The following RBM24 variants were observed in gnomAD, a reference collection of about 807,000 sequenced individuals.
RBM24 encodes the protein RNA-binding protein 24.
A neutral mutation model predicts 23.6 loss-of-function variants in RBM24; 5 were observed. The ratio of observed to expected loss-of-function variants is 0.21; its 90% CI spans 0.11 to 0.45. The LOEUF (loss-of-function observed/expected upper bound fraction) is 0.45, where lower values mean the gene tolerates loss of function less well. Among genes scored for constraint, RBM24 ranks in the 20% least tolerant of loss-of-function variants. The pLI is 0.99. For missense variants in RBM24, 252 were observed against 314.6 expected, an observed-to-expected ratio of 0.80 and a Z score of 1.51; for synonymous variants, 151 against 129.5, an observed-to-expected ratio of 1.17 and a Z score of -1.13.
At chr6:17,282,360 G>C in intron 1 of RBM24, 3 of 783,818 alleles carry the variant, frequency 3.8e-6, no homozygotes, top group Non-Finnish European at 5.7e-6. Context: ...AGCTATTGTC[G>C]TTGGGGAGTG....
chr6:17,282,728 T>C (rs752620762), intron 1 of RBM24, 77 bp from the exon 2 acceptor site: 2 of 1,583,546 alleles, frequency 1.3e-6, no homozygotes, highest in South Asian at 2.2e-5. Context: ...GAATGACTTC[T>C]CCATTGTGAT....
rs567048396 is a variant in RBM24 at position 17,286,810 on chromosome 6, G to T, written c.347+2099G>T. 2.7e-4 allele frequency among the ~76,000 whole-genome samples: 41 copies of T among 152,308 alleles called. No homozygotes were observed. In the Middle Eastern group the frequency reaches 0.01, roughly 38 times the overall value. On this transcript the variant is annotated intron_variant, in intron 3 of 3. Transcript: ENST00000379052. ...AGAGGCATAGAGGAGAAGACTCAGTGCGTGGAGAAACCAGACTGTCTAAGG... is the reference window on the plus strand; with the variant it reads ...AGAGGCATAGAGGAGAAGACTCAGTTCGTGGAGAAACCAGACTGTCTAAGG...
At chr6:17,284,004 C>T (rs1416092230) in intron 2 of RBM24, among the ~76,000 whole-genome samples, 2 of 152,130 alleles carry the variant, frequency 1.3e-5, no homozygotes, top group African/African-American at 4.8e-5. Flanking sequence ...GGCAACTTTA[C>T]TTGTAAAGTT....
chr6:17,289,428 A>G (rs78372140), intron 3 of RBM24: 81,994 of 985,318 alleles, frequency 0.083, 3,736 homozygotes, highest in Non-Finnish European at 0.091. Flanking sequence ...CTGATAATCC[A>G]GTGAACTTTC....
chr6:17,284,735 TTAAG>T, intron 3 of RBM24, 24 bp downstream of exon 3: 2 of 1,592,068 alleles, frequency 1.3e-6, no homozygotes, highest in Non-Finnish European at 1.7e-6. Flanking sequence ...TCAGGCTTTC[TTAAG>T]TTTCAGTATG....
Position 17,281,668 on chromosome 6 carries a change from G to A in RBM24, c.87G>A (p.Lys29=). The A allele has an allele frequency of 6.4e-7, 1 of 1,551,414 alleles. No individual in the cohort carries two copies. The highest frequency in any genetic ancestry group is 8.7e-7 in the Non-Finnish European group (1 of 1,147,072). The part of the protein sequence containing the change: ...PYHTTDASLR[K]YFEVFGEIEE... The stretch of plus-strand genomic sequence containing the variant: ...ACACCACCGACGCCAGCCTGCGCAA[G>A]TACTTCGAGGTCTTCGGCGAGATCG... The change falls in exon 1 of 4, where the codon AAG becomes AAA. Residue 29 remains lysine (K), a synonymous_variant. Coordinates refer to ENST00000379052, the MANE Select transcript of RBM24 (RefSeq NM_001143942.2). The surrounding 1 kb of genome is among the most constrained non-coding windows in gnomAD (Gnocchi z 7.1).
chr6:17,292,179 A>G lies in RBM24; in HGVS notation c.*60A>G, dbSNP rs775562270. On this transcript the variant is annotated 3_prime_UTR_variant, in exon 4 of 4. Transcript: ENST00000379052. ...TTTCCCTCCCAATTTTCCAATTTTT[A>G]GTAGCTAATAAGAGAGTTAACATTG... 44 of 1,445,076 alleles carry G rather than the reference A, an allele frequency of 3.0e-5. No homozygotes were observed. The highest frequency in any genetic ancestry group is 3.9e-5 in the Non-Finnish European group (43 of 1,092,854). The allele number at this position is 1,445,076 out of a possible 1,614,324, so 89.5% of individuals were successfully genotyped here.
chr6:17,284,751 C>T, intron 3 of RBM24, 40 bp downstream of exon 3: 1 of 1,501,022 alleles, frequency 6.7e-7, no homozygotes, highest in South Asian at 1.2e-5. Flanking sequence ...TTCAGTATGA[C>T]TATCATTTGT....
intron 2 of RBM24, chr6:17,283,209 C>T: frequency 2.9e-6 from 1 of 349,208 alleles, no homozygotes; most frequent in South Asian, 4.7e-5. Flanking sequence ...CATTTGTAGT[C>T]TGCTCTCAAT....
At chr6:17,283,814 A>G (rs2113396747) in intron 2 of RBM24, among the ~76,000 whole-genome samples, 1 of 152,308 alleles carries the variant, frequency 6.6e-6, no homozygotes, top group Admixed American at 6.5e-5. Flanking sequence ...AGACAAAGAA[A>G]CTGATGCTTA....
chr6:17,287,595 G>A (rs1161855737), intron 3 of RBM24, among the ~76,000 whole-genome samples: 1 of 152,034 alleles, frequency 6.6e-6, no homozygotes, highest in Non-Finnish European at 1.5e-5. Context: ...GAGGTCAGGA[G>A]GTTGAGAGGG....
chr6:17,284,897 A>C (rs890359757), intron 3 of RBM24, among the ~76,000 whole-genome samples, 186 bp downstream of exon 3: 1 of 152,242 alleles, frequency 6.6e-6, no homozygotes, highest in African/African-American at 2.4e-5. Flanking sequence ...TATCTGACCA[A>C]GTATGCAGCC....
intron 3 of RBM24, among the ~76,000 whole-genome samples, chr6:17,287,393 G>A (rs1326187252): frequency 6.6e-6 from 1 of 152,150 alleles, no homozygotes; most frequent in Non-Finnish European, 1.5e-5. Flanking sequence ...AGCACAGTGG[G>A]CAGATGTAGA....
Position 17,284,679 on chromosome 6 carries a change from A to T in RBM24, c.315A>T (p.Gln105His). 6.2e-7 allele frequency: 1 copy of T among 1,612,234 alleles called. No homozygotes were observed. Among genetic ancestry groups the T allele is most frequent in the Non-Finnish European group, 8.5e-7 (1 of 1,179,202 alleles). The change falls in exon 3 of 4, where the codon CAA becomes CAT. Residue 105 changes from glutamine to histidine, a missense_variant. Coordinates refer to ENST00000379052, the MANE Select transcript of RBM24 (RefSeq NM_001143942.2). ...TAGGTTTTGCCTTTGGTGTTCAACA[A>T]CTTCATCCAGCCCTTATACAAAGAC... is the stretch of plus-strand genomic sequence containing the variant. ...MQPGFAFGVQ[Q>H]LHPALIQRPF...
At chr6:17,282,526 C>G (rs1362981668) in intron 1 of RBM24, 1 of 517,892 alleles carries the variant, frequency 1.9e-6, no homozygotes, top group African/African-American at 1.9e-5. Flanking sequence ...CGGCTAGGCC[C>G]TACTAACACC....
At chr6:17,290,932 GA>G (rs1047810004) in intron 3 of RBM24, 91 of 1,203,362 alleles carry the variant, frequency 7.6e-5, no homozygotes, top group East Asian at 2.8e-4. Flanking sequence ...TTTTATGGGG[GA>G]AAAAAAAGAG....
Position 17,292,374 on chromosome 6 carries a change from A to C in RBM24, c.*255A>C. 2.5e-5 allele frequency: 7 copies of C among 281,288 alleles called. No homozygotes were observed. Among genetic ancestry groups the C allele is most frequent in the East Asian group, 6.0e-5 (1 of 16,610 alleles). 17.4% of individuals were successfully genotyped at this position (281,288 alleles called of 1,614,324 possible). A position where few individuals can be genotyped will look rare whatever the true frequency, so the allele number is the denominator to read the frequency against. ...TGAGTAAATGAAAGGCCACTACGAA[A>C]TGACGCCAGGAGTAACAACGGAACT... On this transcript the variant is annotated 3_prime_UTR_variant, in exon 4 of 4. Transcript: ENST00000379052.
At chr6:17,285,342 A>AGG (rs1448902292) in intron 3 of RBM24, among the ~76,000 whole-genome samples, 3 of 152,086 alleles carry the variant, frequency 2.0e-5, no homozygotes, top group Non-Finnish European at 2.9e-5. Context: ...TCCTCGGGGA[A>AGG]GGGGCTCTTT....
At chr6:17,286,263 G>C (rs957582400) in intron 3 of RBM24, among the ~76,000 whole-genome samples, 1 of 146,374 alleles carries the variant, frequency 6.8e-6, no homozygotes, top group East Asian at 2.0e-4. Context: ...TATATCCATA[G>C]CTACTTAGCA....
Sources: gnomAD v4.1 joint callset for allele counts (sites outside exome capture counted in the v4.1 genomes callset) on GRCh38, gnomAD v4.1.1 for gene constraint, Gnocchi (gnomAD v3.1) non-coding constraint, MANE v1.5 for transcripts, NCBI Gene and HGNC (gene_info 2026-07-23, HGNC 2026-07-21) for gene names.